Variants in EFCAB5 observed in about 807,000 individuals in gnomAD.
EFCAB5 encodes EF-hand calcium binding domain 5.
Under a neutral mutation model 167.9 loss-of-function variants are expected in EFCAB5, and 131 were observed. The observed-to-expected ratio is 0.78, with a 90% CI of 0.68 to 0.90. The LOEUF is 0.90. Among genes scored for constraint, EFCAB5 ranks in the 40% least tolerant of loss-of-function variants. The probability of loss-of-function intolerance (pLI) is 0.00; values close to 1 mark genes in which losing one functional copy is unlikely to be tolerated. For missense variants in EFCAB5, 1,663 were observed against 1,745.2 expected (o/e 0.95, Z 0.84); for synonymous variants, 574 against 602.8 (o/e 0.95, Z 0.70).
intron 8 of EFCAB5, among the ~76,000 whole-genome samples, chr17:30,037,836 G>A (rs1205220270): frequency 6.6e-6 from 1 of 152,034 alleles, no homozygotes; most frequent in Non-Finnish European, 1.5e-5. Flanking sequence ...AAAGAGAGAA[G>A]TTAATGAAAT....
chr17:29,967,293 G>A (rs1317801081), intron 3 of EFCAB5, among the ~76,000 whole-genome samples: 1 of 152,168 alleles, frequency 6.6e-6, no homozygotes, highest in Non-Finnish European at 1.5e-5. Context: ...GTGGGGGAAG[G>A]ACAAGATGTG....
rs745480547 is a variant in EFCAB5 at position 30,051,118 on chromosome 17, G to A, written c.1201G>A (p.Val401Ile). The A allele has an allele frequency of 2.5e-5, 41 of 1,613,310 alleles. No homozygotes were observed. Among genetic ancestry groups the A allele is most frequent in the Middle Eastern group, 1.6e-4 (1 of 6,084 alleles). The change falls in exon 9 of 23, where the codon GTA becomes ATA. Residue 401 changes from valine to isoleucine, a missense_variant and splice_region_variant. Coordinates refer to ENST00000394835, the MANE Select transcript of EFCAB5 (RefSeq NM_198529.4). Reference protein sequence around the residue: ...ELFLHCDHGKVGFLDRQRTLA... With the variant: ...ELFLHCDHGKIGFLDRQRTLA... ...ATCACAAACTTTCTTCTTTGCTTAG[G>A]TAGGGTTTTTGGATCGGCAGAGGAC...
At chr17:30,018,426 A>T (rs956338290) in intron 7 of EFCAB5, among the ~76,000 whole-genome samples, 4 of 152,060 alleles carry the variant, frequency 2.6e-5, no homozygotes, top group Non-Finnish European at 5.9e-5. Flanking sequence ...TGTTTTAAAA[A>T]TGTATTGAAT....
chr17:29,999,930 T>A lies in EFCAB5; in HGVS notation c.998T>A (p.Ile333Asn), dbSNP rs267604789. Residue 333 changes from isoleucine (I) to asparagine (N), a missense_variant, in exon 7 of 23, where the codon ATT becomes AAT. By Grantham distance (149) the Ile-to-Asn change is moderately radical. Transcript: ENST00000394835. Reference sequence around the variant, plus strand: ...GGATCACACTGCAAACAACTGGATATTACTGACTCAACAGAACCAAGATTG... The same window carrying A: ...GGATCACACTGCAAACAACTGGATAATACTGACTCAACAGAACCAAGATTG... ...KLGSHCKQLD[I>N]TDSTEPRLNK... 1.3e-6 allele frequency: 2 copies of A among 1,587,256 alleles called. No homozygotes were observed. Among genetic ancestry groups the A allele is most frequent in the Admixed American group, 1.8e-5 (1 of 56,946 alleles).
At chr17:30,100,225 G>T (rs1303088777) in intron 22 of EFCAB5, among the ~76,000 whole-genome samples, 2 of 152,094 alleles carry the variant, frequency 1.3e-5, no homozygotes, top group Non-Finnish European at 1.5e-5. Context: ...TATCCATGTG[G>T]CAGGCCCTAT....
At chr17:29,977,992 T>A (rs1234417658) in intron 4 of EFCAB5, among the ~76,000 whole-genome samples, 1 of 152,150 alleles carries the variant, frequency 6.6e-6, no homozygotes, top group Non-Finnish European at 1.5e-5. Context: ...AAAAAAAGCT[T>A]CAAAATATCT....
At chr17:30,098,536 G>GAA (rs549515033) in intron 22 of EFCAB5, among the ~76,000 whole-genome samples, 19 of 123,896 alleles carry the variant, frequency 1.5e-4, no homozygotes, top group African/African-American at 2.6e-4. Flanking sequence ...TGTCTACAGA[G>GAA]AAAAAAAAAA....
chr17:30,035,353 A>G (rs1343785824), intron 8 of EFCAB5, among the ~76,000 whole-genome samples: 4 of 152,208 alleles, frequency 2.6e-5, no homozygotes, highest in Non-Finnish European at 4.4e-5. Context: ...AGAGCAATTA[A>G]TTGAGGTTTG....
At chr17:30,021,832 A>C (rs182034572) in intron 7 of EFCAB5, among the ~76,000 whole-genome samples, 1 of 152,324 alleles carries the variant, frequency 6.6e-6, no homozygotes, top group Admixed American at 6.5e-5. Flanking sequence ...TCATTTAACG[A>C]AACTGGAAGA....
chr17:30,008,870 A>G (rs536038651), intron 7 of EFCAB5, among the ~76,000 whole-genome samples: 2 of 152,266 alleles, frequency 1.3e-5, no homozygotes, highest in South Asian at 4.1e-4. Flanking sequence ...ACAGCTCTGG[A>G]GGCCAGAAGT....
intron 3 of EFCAB5, among the ~76,000 whole-genome samples, chr17:29,947,589 A>G (rs2067429183): frequency 6.6e-6 from 1 of 152,208 alleles, no homozygotes; most frequent in African/African-American, 2.4e-5. Context: ...TAAAAGAACC[A>G]AACTTTCCAA....
Position 29,985,341 on chromosome 17 carries a change from A to G in EFCAB5, c.768-7824A>G, listed in dbSNP as rs141113920. On this transcript the variant is annotated intron_variant, in intron 4 of 22. Transcript: ENST00000394835. ...CAGAAGTTTGATCCAAGGCATCAGA[A>G]TGACCTGAGATGCTTGTTATAAATG... Among the ~76,000 whole-genome samples the G allele has an allele frequency of 3.7e-3, 556 of 152,324 alleles. 4 individuals carry two copies. The highest frequency in any genetic ancestry group is 0.013 in the African/African-American group (534 of 41,582).
chr17:30,079,054 C>T (rs889029214), intron 15 of EFCAB5, among the ~76,000 whole-genome samples: 5 of 152,240 alleles, frequency 3.3e-5, no homozygotes, highest in Non-Finnish European at 7.3e-5. Context: ...CAGAGACTCC[C>T]AGGTTGCTGC....
chr17:30,069,128 C>CT, intron 14 of EFCAB5: 1 of 1,534,234 alleles, frequency 6.5e-7, no homozygotes, highest in Non-Finnish European at 9.0e-7. Context: ...AAAAGAATAT[C>CT]TAAGCTGGAA....
chr17:30,013,467 C>T (rs1959188624), intron 7 of EFCAB5, among the ~76,000 whole-genome samples: 1 of 151,670 alleles, frequency 6.6e-6, no homozygotes, highest in African/African-American at 2.4e-5. Context: ...TTAATTGTTG[C>T]CTCAATTTCA....
intron 14 of EFCAB5, chr17:30,073,612 T>G: frequency 1.4e-6 from 1 of 702,604 alleles, no homozygotes; most frequent in Non-Finnish European, 2.7e-6. Context: ...GAGTTCGATA[T>G]TTGTTAACAG....
At chr17:30,001,941 G>A (rs1170006577) in intron 7 of EFCAB5, among the ~76,000 whole-genome samples, 1 of 152,146 alleles carries the variant, frequency 6.6e-6, no homozygotes, top group Non-Finnish European at 1.5e-5. Flanking sequence ...AGATCACACA[G>A]CACATAAGTG....
At chr17:29,978,745 A>C (rs556394785) in intron 4 of EFCAB5, among the ~76,000 whole-genome samples, 10 of 152,248 alleles carry the variant, frequency 6.6e-5, no homozygotes, top group Non-Finnish European at 1.3e-4. Context: ...GAATGTCCAG[A>C]AATTTTTAGG....
In EFCAB5 at chr17:30,056,085, G is replaced by A. The variant is rs2070256573; in HGVS notation, c.2294G>A (p.Trp765Ter). 6.2e-7 allele frequency: 1 copy of A among 1,612,544 alleles called. No individual in the cohort carries two copies. Among genetic ancestry groups the A allele is most frequent in the African/African-American group, 1.3e-5 (1 of 75,000 alleles). Residue 765 changes from tryptophan (W) to a stop codon, truncating the protein, a stop_gained, in exon 12 of 23, where the codon TGG (tryptophan) becomes TAG (stop). Coordinates refer to ENST00000394835, the MANE Select transcript of EFCAB5 (RefSeq NM_198529.4). LOFTEE classifies it high-confidence loss of function. ...SWSGEFFTCN[W>*]KMKYVTFEDE... ...ACAGGTGAATTTTTTACTTGTAACT[G>A]GAAAATGAAGTATGTCACATTTGAA...
Sources: gnomAD v4.1 joint callset for allele counts (sites outside exome capture counted in the v4.1 genomes callset) on GRCh38, gnomAD v4.1.1 for gene constraint, MANE v1.5 for transcripts, NCBI Gene and HGNC (gene_info 2026-07-23, HGNC 2026-07-21) for gene names.